The following GPAM variants were observed in gnomAD, a reference collection of about 807,000 sequenced individuals.
GPAM encodes glycerol-3-phosphate acyltransferase, mitochondrial, also known as glycerol-3-phosphate acyltransferase 1, mitochondrial.
A neutral mutation model predicts 105.0 loss-of-function variants in GPAM; 56 were observed. The ratio of observed to expected loss-of-function variants is 0.53; its 90% CI spans 0.43 to 0.67. GPAM has a LOEUF of 0.67. Among genes scored for constraint, GPAM ranks in the 30% least tolerant of loss-of-function variants. The probability of loss-of-function intolerance (pLI) is 0.00; values close to 1 mark genes in which losing one functional copy is unlikely to be tolerated. For synonymous variants in GPAM, 368 were observed against 354.4 expected (o/e 1.04, Z -0.43); for missense variants, 855 against 989.8 (o/e 0.86, Z 1.83).
chr10:112,213,542 T>C (rs994853926), intron 1 of GPAM, among the ~76,000 whole-genome samples: 2 of 152,134 alleles, frequency 1.3e-5, no homozygotes, highest in African/African-American at 4.8e-5. Context: ...TTCACAGCTG[T>C]CAGTCTGGTG....
chr10:112,193,995 G>A (rs1240103956), intron 1 of GPAM, among the ~76,000 whole-genome samples: 10 of 152,130 alleles, frequency 6.6e-5, no homozygotes, highest in African/African-American at 1.7e-4. Context: ...GTCAGAATGC[G>A]CTAGATTATA....
intron 1 of GPAM, among the ~76,000 whole-genome samples, chr10:112,200,840 T>C (rs1847789289): frequency 6.6e-6 from 1 of 152,158 alleles, no homozygotes. Context: ...TGGAGGCAGT[T>C]TGAGCAACTG....
chr10:112,210,795 C>A (rs115561461), intron 1 of GPAM, among the ~76,000 whole-genome samples: 8 of 152,314 alleles, frequency 5.3e-5, no homozygotes, highest in African/African-American at 1.7e-4. Flanking sequence ...TAAGAGATGT[C>A]ACTAATAAGA....
the GPAM span, among the ~76,000 whole-genome samples, chr10:112,224,876 G>A: frequency 6.1e-3 from 935 of 152,202 alleles, 13 homozygotes; most frequent in African/African-American, 0.021. Flanking sequence ...GATAGTCACC[G>A]CAAGTTCTCC....
rs1422425330 is a variant in GPAM at position 112,181,678 on chromosome 10, C to T, written c.102+5G>A. The T allele has an allele frequency of 6.6e-7, 1 of 1,525,836 alleles. No individual in the cohort carries two copies. The highest frequency in any genetic ancestry group is 1.1e-5 in the South Asian group (1 of 89,372). The allele number at this position is 1,525,836 out of a possible 1,614,324, so 94.5% of individuals were successfully genotyped here. A position where few individuals can be genotyped will look rare whatever the true frequency, so the allele number is the denominator to read the frequency against. On this transcript the variant is annotated splice_donor_5th_base_variant and intron_variant, in intron 3 of 21. Transcript: ENST00000348367. ...GAGTGCTTTTAACTCTTATCCTAAA[C>T]TTACCCATTCCTCACTTGTGTGCTT...
chr10:112,209,927 G>C (rs532647993), intron 1 of GPAM, among the ~76,000 whole-genome samples: 1 of 152,348 alleles, frequency 6.6e-6, no homozygotes, highest in Non-Finnish European at 1.5e-5. Context: ...GGCATGGGTA[G>C]AGTTTGCATG....
At chr10:112,157,505 T>C in intron 18 of GPAM, 116 bp from the exon 19 acceptor site, 1 of 903,866 alleles carries the variant, frequency 1.1e-6, no homozygotes. Context: ...CTTCTCTGTT[T>C]AGCCACTCAT....
At chr10:112,175,031 C>T (rs117661489) in intron 6 of GPAM, among the ~76,000 whole-genome samples, 3,084 of 152,120 alleles carry the variant, frequency 0.02, 42 homozygotes, top group Middle Eastern at 0.058. Context: ...TTCTAGAGTA[C>T]GGGAGTTTGG....
upstream of GPAM, among the ~76,000 whole-genome samples, chr10:112,184,147 A>T (rs778060859): frequency 6.1e-4 from 93 of 152,168 alleles, no homozygotes; most frequent in Non-Finnish European, 1.0e-3. Context: ...AGAGGCAGGG[A>T]TTGCAAATGG....
rs1847315822 is a variant in GPAM at position 112,171,692 on chromosome 10, T to TA, written c.794+489dup. Among the ~76,000 whole-genome samples, 11 of 152,320 alleles carry TA rather than the reference T, an allele frequency of 7.2e-5. No homozygotes were observed. In the South Asian group the frequency reaches 2.3e-3, roughly 32 times the overall value. Reference sequence around the variant, plus strand: ...AATGGAACGCATTGAGGAAAACCTCTAAAAAACCTTTCAAAAGGTGAAAAC... The same window carrying TA: ...AATGGAACGCATTGAGGAAAACCTCTAAAAAAACCTTTCAAAAGGTGAAAAC... On this transcript the variant is annotated intron_variant, in intron 9 of 21. Transcript: ENST00000348367.
chr10:112,187,371 C>G (rs190734637), upstream of GPAM, among the ~76,000 whole-genome samples: 1 of 152,132 alleles, frequency 6.6e-6, no homozygotes, highest in African/African-American at 2.4e-5. Flanking sequence ...GGTTAGAAAA[C>G]AGTATGCTAT....
At position 112,180,607 on chromosome 10, in the gene GPAM, T is replaced by C. The variant is rs1232525096; in HGVS notation, c.103-12A>G. On this transcript the variant is annotated splice_polypyrimidine_tract_variant and intron_variant, in intron 3 of 21. Coordinates refer to ENST00000348367, the MANE Select transcript of GPAM (RefSeq NM_001244949.2). ...AAGCCACACTCACCCTGACAAATAT[T>C]AAGAAAAAAATATAGTTTCTAAATG... is the stretch of plus-strand genomic sequence containing the variant. The C allele has an allele frequency of 2.2e-5, 36 of 1,603,370 alleles. No homozygotes were observed. The highest frequency in any genetic ancestry group is 3.1e-5 in the Non-Finnish European group (36 of 1,170,756).
chr10:112,159,637 T>C (rs1847085809), intron 17 of GPAM, among the ~76,000 whole-genome samples: 1 of 152,182 alleles, frequency 6.6e-6, no homozygotes, highest in African/African-American at 2.4e-5. Context: ...ACACAATACG[T>C]GCTCACTAGC....
intron 4 of GPAM, among the ~76,000 whole-genome samples, chr10:112,179,278 C>G (rs1847463838): frequency 1.3e-5 from 2 of 152,130 alleles, no homozygotes; most frequent in African/African-American, 4.8e-5. Flanking sequence ...AAACCATTAC[C>G]ACCACCAAAT....
intron 1 of GPAM, among the ~76,000 whole-genome samples, chr10:112,191,369 G>A (rs539560091): frequency 9.2e-5 from 14 of 152,286 alleles, no homozygotes; most frequent in African/African-American, 2.6e-4. Context: ...AGAAAGCACG[G>A]TGGGAACTAG....
At chr10:112,185,557 AACACACACACACAGACACACACACACAC>A (rs1847583317), upstream of GPAM, among the ~76,000 whole-genome samples, 2 of 139,008 alleles carry the variant, frequency 1.4e-5, no homozygotes, top group South Asian at 4.5e-4. Context: ...TTAACACCCT[AACACACACACACAGACACACACACACAC>A]ACACACACAC....
the GPAM span, among the ~76,000 whole-genome samples, chr10:112,222,502 A>G: frequency 6.6e-6 from 1 of 152,166 alleles, no homozygotes; most frequent in Non-Finnish European, 1.5e-5. Flanking sequence ...TAGGTATTCA[A>G]TGAATGCCAG....
At chr10:112,168,233 C>A in intron 11 of GPAM, 79 bp downstream of exon 11, 1 of 885,796 alleles carries the variant, frequency 1.1e-6, no homozygotes, top group Non-Finnish European at 1.9e-6. Flanking sequence ...ATTCTTAATT[C>A]TAAAAGCAAA....
intron 4 of GPAM, among the ~76,000 whole-genome samples, chr10:112,179,341 T>C (rs1345931537): frequency 6.6e-6 from 1 of 152,216 alleles, no homozygotes; most frequent in African/African-American, 2.4e-5. Flanking sequence ...GTTTTAAGTA[T>C]TCAAAATTAG....
Sources: allele counts gnomAD v4.1 joint callset (sites outside exome capture counted in the v4.1 genomes callset), GRCh38; gene constraint gnomAD v4.1.1; transcripts MANE v1.5; gene names NCBI Gene and HGNC (gene_info 2026-07-23, HGNC 2026-07-21).